RNF38: variants seen among roughly 807,000 people sequenced by gnomAD.
RNF38 encodes the protein ring finger protein 38, also known as E3 ubiquitin-protein ligase RNF38.
A neutral mutation model predicts 67.2 loss-of-function variants in RNF38; 15 were observed. The ratio of observed to expected loss-of-function variants is 0.22; its 90% confidence interval spans 0.15 to 0.34. The LOEUF is 0.34. Ranked by LOEUF, RNF38 falls within the 10% of genes least tolerant of loss-of-function variation. The pLI, the probability that RNF38 is intolerant of heterozygous loss-of-function variation, is 1.00. For missense variants in RNF38, 524 were observed against 639.9 expected (o/e 0.82, Z 1.95); for synonymous variants, 220 against 218.8 (o/e 1.01, Z -0.05).
chr9:36,359,181 A>T (rs1204780173), intron 4 of RNF38, among the ~76,000 whole-genome samples: 1 of 151,886 alleles, frequency 6.6e-6, no homozygotes, highest in East Asian at 1.9e-4. Flanking sequence ...GAGGTATATG[A>T]ATCTATTGCT....
intron 1 of RNF38, among the ~76,000 whole-genome samples, chr9:36,478,774 G>T (rs1007921878): frequency 6.8e-6 from 1 of 147,534 alleles, no homozygotes; most frequent in East Asian, 2.0e-4. Context: ...CCGAGATGGC[G>T]CCACTGCACT....
chr9:36,388,752 A>C (rs1369927907), intron 2 of RNF38, among the ~76,000 whole-genome samples: 1 of 152,204 alleles, frequency 6.6e-6, no homozygotes, highest in Non-Finnish European at 1.5e-5. Flanking sequence ...AAACACAGGC[A>C]AATCTGTTTA....
At chr9:36,407,256 T>C (rs1838205165) in intron 2 of RNF38, among the ~76,000 whole-genome samples, 1 of 152,148 alleles carries the variant, frequency 6.6e-6, no homozygotes, top group Non-Finnish European at 1.5e-5. Context: ...CAAATCGAAG[T>C]CCACTGAAAG....
chr9:36,447,390 A>G (rs1303023429), intron 1 of RNF38, among the ~76,000 whole-genome samples: 3 of 152,202 alleles, frequency 2.0e-5, no homozygotes, highest in Non-Finnish European at 4.4e-5. Flanking sequence ...CACAGTAGGT[A>G]TTAAACAGTC....
intron 10 of RNF38, among the ~76,000 whole-genome samples, chr9:36,342,924 G>A (rs1458114240): frequency 6.6e-6 from 1 of 152,172 alleles, no homozygotes; most frequent in Non-Finnish European, 1.5e-5. Context: ...CAGTATTTGA[G>A]GGGGATTGAT....
intron 2 of RNF38, among the ~76,000 whole-genome samples, chr9:36,379,693 T>C (rs1438865251): frequency 1.3e-5 from 2 of 152,156 alleles, no homozygotes; most frequent in East Asian, 3.8e-4. Flanking sequence ...AATGGTAGTA[T>C]AGGAAGTGTG....
At chr9:36,352,890 T>C in intron 7 of RNF38, 42 bp from the exon 8 acceptor site, 1 of 1,346,186 alleles carries the variant, frequency 7.4e-7, no homozygotes, top group South Asian at 1.2e-5. Context: ...CACTCTACGT[T>C]TACAAATAGC....
intron 6 of RNF38, among the ~76,000 whole-genome samples, chr9:36,355,188 G>A (rs562053048): frequency 1.9e-4 from 29 of 152,138 alleles, no homozygotes; most frequent in Non-Finnish European, 3.5e-4. Flanking sequence ...ACCCAGCATG[G>A]TATAGAAATC....
At chr9:36,401,294 C>CTCCGCCCCAG (rs1554691304), upstream of RNF38, 14 of 890,192 alleles carry the variant, frequency 1.6e-5, no homozygotes, top group Non-Finnish European at 1.9e-5. Flanking sequence ...CACTGCGCAG[C>CTCCGCCCCAG]CCCGCCCCAG....
intron 2 of RNF38, among the ~76,000 whole-genome samples, chr9:36,422,158 G>GA (rs1838645618): frequency 6.6e-6 from 1 of 152,152 alleles, no homozygotes; most frequent in Non-Finnish European, 1.5e-5. Flanking sequence ...CTTGAACCAG[G>GA]AGGCAGACAC....
At chr9:36,352,934 T>A in intron 7 of RNF38, 86 bp from the exon 8 acceptor site, 1 of 1,003,680 alleles carries the variant, frequency 1.0e-6, no homozygotes, top group Non-Finnish European at 1.5e-6. Context: ...AAAAAAGACT[T>A]AAACAGTAAA....
At chr9:36,417,345 C>T (rs570896282) in intron 2 of RNF38, among the ~76,000 whole-genome samples, 2 of 152,204 alleles carry the variant, frequency 1.3e-5, no homozygotes, top group Non-Finnish European at 2.9e-5. Context: ...AGTCTCCACA[C>T]ACTGTTTTGT....
chr9:36,425,689 T>C (rs1222780481), intron 1 of RNF38, among the ~76,000 whole-genome samples: 1 of 151,732 alleles, frequency 6.6e-6, no homozygotes, highest in Admixed American at 6.6e-5. Context: ...AGTGAGACCC[T>C]GTTTCAAAAA....
chr9:36,400,899 TCCCCGCCCCG>T (rs1396286770), upstream of RNF38: 26,521 of 825,126 alleles, frequency 0.032, 407 homozygotes, highest in Admixed American at 0.039. Context: ...GCCACGCCCC[TCCCCGCCCCG>T]CCGCGCCCCG....
chr9:36,438,812 TCTC>T (rs1475643545), intron 1 of RNF38, among the ~76,000 whole-genome samples: 1 of 152,194 alleles, frequency 6.6e-6, no homozygotes, highest in Non-Finnish European at 1.5e-5. Flanking sequence ...AGATGTCCTC[TCTC>T]CTCCTCTCAC....
chr9:36,347,091 A>G (rs1231359871), intron 9 of RNF38, among the ~76,000 whole-genome samples: 1 of 112,120 alleles, frequency 8.9e-6, no homozygotes, highest in African/African-American at 3.5e-5. Context: ...TTGCACTCCA[A>G]GCCTGGGCGA....
At chr9:36,357,543 T>C (rs1000116341) in intron 5 of RNF38, among the ~76,000 whole-genome samples, 2 of 152,226 alleles carry the variant, frequency 1.3e-5, no homozygotes, top group Non-Finnish European at 2.9e-5. Flanking sequence ...TATCCGGTTA[T>C]AAAGCTAATT....
chr9:36,433,273 C>G (rs1838975915), intron 1 of RNF38, among the ~76,000 whole-genome samples: 1 of 151,494 alleles, frequency 6.6e-6, no homozygotes, highest in African/African-American at 2.4e-5. Flanking sequence ...TAACTAAAAA[C>G]AGTATAACTG....
intron 6 of RNF38, 32 bp downstream of exon 6, chr9:36,356,271 A>C: frequency 6.2e-7 from 1 of 1,607,690 alleles, no homozygotes. Context: ...GTTAAAAACT[A>C]AACATTCTGA....
Sources: gnomAD v4.1 joint callset for allele counts (sites outside exome capture counted in the v4.1 genomes callset) on GRCh38, gnomAD v4.1.1 for gene constraint, MANE v1.5 for transcripts, NCBI Gene and HGNC (gene_info 2026-07-23, HGNC 2026-07-21) for gene names.